Variants in NUP93 observed in about 807,000 individuals in gnomAD.
NUP93 encodes nuclear pore complex protein Nup93.
NUP93 carries 55 observed loss-of-function variants against 107.8 expected under a neutral mutation model. The ratio of observed to expected loss-of-function variants is 0.51; its 90% CI spans 0.41 to 0.64. The LOEUF is 0.64. Among genes scored for constraint, NUP93 ranks in the 30% least tolerant of loss-of-function variants. The pLI is 0.00. For synonymous variants in NUP93, 390 were observed against 397.5 expected, an observed-to-expected ratio of 0.98 and a Z score of 0.22; for missense variants, 937 against 1,044.7, an observed-to-expected ratio of 0.90 and a Z score of 1.42.
chr16:56,787,658 C>T (rs1409508899), intron 3 of NUP93, among the ~76,000 whole-genome samples: 1 of 152,018 alleles, frequency 6.6e-6, no homozygotes, highest in Non-Finnish European at 1.5e-5. Context: ...TTAGTGGGTT[C>T]TTGTAGGGTG....
At chr16:56,813,479 G>A (rs1435563814) in intron 5 of NUP93, among the ~76,000 whole-genome samples, 1 of 152,168 alleles carries the variant, frequency 6.6e-6, no homozygotes, top group Non-Finnish European at 1.5e-5. Flanking sequence ...CCTGTTAGGG[G>A]TTTGAGTAGG....
chr16:56,789,393 C>T (rs1246671216), intron 3 of NUP93, among the ~76,000 whole-genome samples: 4 of 152,202 alleles, frequency 2.6e-5, no homozygotes, highest in African/African-American at 9.7e-5. Context: ...GACACAAATC[C>T]GTCACATAAT....
chr16:56,740,577 G>A (rs1448166795), intron 1 of NUP93: 3 of 180,326 alleles, frequency 1.7e-5, no homozygotes, highest in African/African-American at 7.2e-5. Context: ...TCACATCCCA[G>A]ACGATGGGCG....
At chr16:56,759,937 A>C (rs1962093442) in intron 3 of NUP93, among the ~76,000 whole-genome samples, 1 of 152,202 alleles carries the variant, frequency 6.6e-6, no homozygotes, top group African/African-American at 2.4e-5. Flanking sequence ...GGTATTTGGA[A>C]TACTCAACAG....
chr16:56,770,797 C>T (rs534142569), intron 3 of NUP93, among the ~76,000 whole-genome samples: 3 of 152,182 alleles, frequency 2.0e-5, no homozygotes, highest in Admixed American at 6.5e-5. Flanking sequence ...GGCGCAGTAG[C>T]TCAAGCCTGT....
At chr16:56,808,833 T>C (rs1265436775) in intron 5 of NUP93, among the ~76,000 whole-genome samples, 2 of 146,898 alleles carry the variant, frequency 1.4e-5, no homozygotes, top group South Asian at 4.2e-4. Context: ...TATATAAATA[T>C]ATATATAAAT....
chr16:56,806,585 A>T (rs974142317), intron 5 of NUP93, among the ~76,000 whole-genome samples: 1 of 152,114 alleles, frequency 6.6e-6, no homozygotes, highest in Non-Finnish European at 1.5e-5. Context: ...GGTCATTCAC[A>T]TGGCTGTTGG....
rs1964102614 is a variant in NUP93 at position 56,845,256 on chromosome 16, G to GC, written c.*652dup. The GC allele has an allele frequency of 6.4e-6, 1 of 155,460 alleles. No homozygotes were observed. The highest frequency in any genetic ancestry group is 6.5e-5 in the Admixed American group (1 of 15,344). The allele number at this position is 155,460 out of a possible 1,614,324, so 9.6% of individuals were successfully genotyped here. ...AGCCTTAAGAAGGAAGGTTGCAAGT[G>GC]CCCCCAGCTTGCACTTGAGGAAGGG... On this transcript the variant is annotated 3_prime_UTR_variant, in exon 22 of 22. Coordinates refer to ENST00000308159, the MANE Select transcript of NUP93 (RefSeq NM_014669.5).
intron 15 of NUP93, 37 bp from the exon 16 acceptor site, chr16:56,834,697 T>C (rs779289535): frequency 1.9e-6 from 3 of 1,572,770 alleles, no homozygotes; most frequent in Admixed American, 3.4e-5. Flanking sequence ...TTTATATCTT[T>C]GTCCAATAAT....
intron 3 of NUP93, among the ~76,000 whole-genome samples, chr16:56,766,631 A>G (rs747557689): frequency 1.3e-5 from 2 of 152,178 alleles, no homozygotes; most frequent in Non-Finnish European, 2.9e-5. Flanking sequence ...CCCATGTGCC[A>G]CTTTGATCTG....
intron 2 of NUP93, among the ~76,000 whole-genome samples, chr16:56,755,794 G>A (rs1259677257): frequency 6.6e-6 from 1 of 152,196 alleles, no homozygotes; most frequent in African/African-American, 2.4e-5. Flanking sequence ...AGAATTGCTT[G>A]AACCTGGGAG....
rs367822016 is a variant in NUP93 at position 56,830,737 on chromosome 16, G to A, written c.1085+52G>A. ...GGGGCAGCCATGCAGAATCAAAGGG[G>A]CATCCTTCACTGTCATTATTCTCTT... On this transcript the variant is annotated intron_variant, in intron 10 of 21. Transcript: ENST00000308159. The A allele has an allele frequency of 9.2e-6, 13 of 1,416,392 alleles. No homozygotes were observed. The African/African-American group carries it at 1.7e-4, about 19-fold the overall frequency. 87.7% of individuals were successfully genotyped at this position (1,416,392 alleles called of 1,614,324 possible).
At chr16:56,815,700 A>G (rs1239500184) in intron 5 of NUP93, among the ~76,000 whole-genome samples, 1 of 152,036 alleles carries the variant, frequency 6.6e-6, no homozygotes, top group Non-Finnish European at 1.5e-5. Flanking sequence ...TGAGGTAGGG[A>G]TTCATACCGT....
At chr16:56,798,713 CA>C (rs1962953880) in intron 4 of NUP93, among the ~76,000 whole-genome samples, 175 bp downstream of exon 4, 1 of 151,686 alleles carries the variant, frequency 6.6e-6, no homozygotes, top group Non-Finnish European at 1.5e-5. Context: ...ACAAAAAATG[CA>C]AAAAATTAGC....
intron 3 of NUP93, among the ~76,000 whole-genome samples, chr16:56,774,073 T>C (rs990189495): frequency 2.6e-5 from 4 of 152,102 alleles, no homozygotes; most frequent in African/African-American, 4.8e-5. Flanking sequence ...ATATACTACC[T>C]AAAAAGTAGT....
chr16:56,755,697 A>G (rs1962006193), intron 2 of NUP93, among the ~76,000 whole-genome samples: 1 of 152,032 alleles, frequency 6.6e-6, no homozygotes, highest in Non-Finnish European at 1.5e-5. Flanking sequence ...CAACATGGAG[A>G]AACCCTGTCT....
chr16:56,849,138 C>T lies in NUP93; in HGVS notation c.*4529C>T, dbSNP rs753544773. 6.6e-6 allele frequency: 1 copy of T among 152,246 alleles called. No homozygotes were observed. The highest frequency in any genetic ancestry group is 1.5e-5 in the Non-Finnish European group (1 of 68,060). The allele number at this position is 152,246 out of a possible 1,614,324, so 9.4% of individuals were successfully genotyped here. A position where few individuals can be genotyped will look rare whatever the true frequency, so the allele number is the denominator to read the frequency against. ...TCAGCTCCACGTGCCTAGATTCAGA[C>T]TCCGTGATTCACCGTGGGGGCCCTT... On this transcript the variant is annotated 3_prime_UTR_variant, in exon 22 of 22. Transcript: ENST00000308159.
At position 56,793,141 on chromosome 16, in the gene NUP93, T is replaced by C. The variant is rs189458736; in HGVS notation, c.298-5335T>C. Among the ~76,000 whole-genome samples the C allele has an allele frequency of 6.2e-4, 95 of 152,312 alleles. 1 individual carries two copies. In the Middle Eastern group the frequency reaches 0.031, roughly 49 times the overall value. ...CTTCCTGAATGGTGGCTATTATGTG[T>C]TATAGAAAGCTGGAAACCAAAACAC... On this transcript the variant is annotated intron_variant, in intron 3 of 21. Coordinates refer to ENST00000308159, the MANE Select transcript of NUP93 (RefSeq NM_014669.5).
chr16:56,754,416 C>G (rs1430749303), intron 2 of NUP93, among the ~76,000 whole-genome samples: 1 of 152,222 alleles, frequency 6.6e-6, no homozygotes, highest in Non-Finnish European at 1.5e-5. Flanking sequence ...CTAGCATTAA[C>G]TCAAAAGTCC....
Sources: allele counts gnomAD v4.1 joint callset (sites outside exome capture counted in the v4.1 genomes callset), GRCh38; gene constraint gnomAD v4.1.1; transcripts MANE v1.5; gene names NCBI Gene and HGNC (gene_info 2026-07-23, HGNC 2026-07-21).